The following MYH9 variants were observed in gnomAD, a reference collection of about 807,000 sequenced individuals.
MYH9 encodes the protein myosin heavy chain 9.
MYH9 carries 29 observed loss-of-function variants against 241.9 expected under a neutral mutation model. That is an observed-to-expected ratio of 0.12 (90% CI 0.09 to 0.16). MYH9 has a LOEUF of 0.16. Ranked by LOEUF, MYH9 falls within the 10% of genes least tolerant of loss-of-function variation. The pLI, the probability that MYH9 is intolerant of heterozygous loss-of-function variation, is 1.00. For synonymous variants in MYH9, 1,047 were observed against 1,062.6 expected (o/e 0.99, Z 0.29); for missense variants, 1,803 against 2,595.5 (o/e 0.69, Z 6.63).
intron 35 of MYH9, 135 bp downstream of exon 35, chr22:36,286,583 A>G: frequency 8.0e-7 from 1 of 1,252,862 alleles, no homozygotes; most frequent in Non-Finnish European, 1.1e-6. Context: ...GGGAATCCTT[A>G]TGTAACCTGA....
chr22:36,348,837 A>ACAC (rs2017719792), intron 2 of MYH9, 67 bp downstream of exon 2: 5 of 539,388 alleles, frequency 9.3e-6, no homozygotes, highest in African/African-American at 5.1e-5. Context: ...TGATGGGAAG[A>ACAC]CCCGCCCCCC....
intron 40 of MYH9, among the ~76,000 whole-genome samples, chr22:36,283,623 A>T (rs2016529724): frequency 6.8e-6 from 1 of 146,576 alleles, no homozygotes; most frequent in African/African-American, 2.4e-5. Flanking sequence ...AAAAACACAA[A>T]ATGAGAGTCT....
intron 2 of MYH9, among the ~76,000 whole-genome samples, chr22:36,345,610 G>T (rs1386815570): frequency 6.6e-6 from 1 of 152,174 alleles, no homozygotes; most frequent in Non-Finnish European, 1.5e-5. Context: ...CTTCCTTAAA[G>T]CACAGTCTGC....
intron 1 of MYH9, among the ~76,000 whole-genome samples, chr22:36,373,137 G>C (rs1377518147): frequency 2.6e-5 from 4 of 152,108 alleles, no homozygotes; most frequent in African/African-American, 9.7e-5. Flanking sequence ...GCAACTTGTT[G>C]CTACCATTCT....
At position 36,332,659 on chromosome 22, in the gene MYH9, A is replaced by AT. The variant is rs1209459936; in HGVS notation, c.491-5172dup. On this transcript the variant is annotated intron_variant, in intron 3 of 40. Coordinates refer to ENST00000216181, the MANE Select transcript of MYH9 (RefSeq NM_002473.6). ...CCTCCCCCTCCAGACACTCTGGATAATTAAAAAAAAAAAAAAAAAAAAAAA... is the reference window on the plus strand; with the variant it reads ...CCTCCCCCTCCAGACACTCTGGATAATTTAAAAAAAAAAAAAAAAAAAAAAA... Among the ~76,000 whole-genome samples the AT allele has an allele frequency of 1.1e-3, 115 of 104,172 alleles. 4 individuals are homozygous for AT. The Middle Eastern group carries it at 0.021, about 19-fold the overall frequency. 68.3% of individuals were successfully genotyped at this position (104,172 alleles called of 152,430 possible).
chr22:36,284,327 G>A, intron 39 of MYH9, 62 bp from the exon 40 acceptor site: 1 of 1,604,356 alleles, frequency 6.2e-7, no homozygotes, highest in Admixed American at 1.7e-5. Flanking sequence ...CAGCCAGTCA[G>A]CCCCACTGCC....
At chr22:36,317,997 C>T (rs933094882) in intron 11 of MYH9, among the ~76,000 whole-genome samples, 3 of 152,238 alleles carry the variant, frequency 2.0e-5, no homozygotes, top group Non-Finnish European at 2.9e-5. Context: ...ACTTCCTGGG[C>T]GTGAAGCCTT....
chr22:36,313,863 T>C (rs1039070874), intron 13 of MYH9, among the ~76,000 whole-genome samples: 1 of 152,150 alleles, frequency 6.6e-6, no homozygotes, highest in Non-Finnish European at 1.5e-5. Context: ...CTTCTGGGAC[T>C]GAAAACAGGA....
At chr22:36,324,583 T>A (rs1029326998) in intron 5 of MYH9, among the ~76,000 whole-genome samples, 3 of 152,262 alleles carry the variant, frequency 2.0e-5, no homozygotes, top group African/African-American at 7.2e-5. Context: ...ACCCCTCTGC[T>A]GGTGTTGGGA....
rs1271123841 is a variant in MYH9 at position 36,285,544 on chromosome 22, A to G, written c.5274+114T>C. ...CCAGGTGCCTGGACATTTTCCCCTA[A>G]GCGCCTGGGGAGCAGCTGGCACTTG... On this transcript the variant is annotated intron_variant, in intron 37 of 40. Transcript: ENST00000216181. This position sits in a 1 kb window ranked among gnomAD's most constrained non-coding sequence, Gnocchi z 7.0. The G allele has an allele frequency of 1.3e-5, 20 of 1,525,614 alleles. No homozygotes were observed. The highest frequency in any genetic ancestry group is 1.8e-5 in the Non-Finnish European group (20 of 1,124,394). 94.5% of individuals were successfully genotyped at this position (1,525,614 alleles called of 1,614,324 possible).
At position 36,295,143 on chromosome 22, in the gene MYH9, T is replaced by G; in HGVS notation, c.3486-67A>C. ...GGAGCGAGGCTGTCCCTGGGGCTCT[T>G]CCCTGACCAAAGAGAGGCCTGGCCA... On this transcript the variant is annotated intron_variant, in intron 26 of 40. Transcript: ENST00000216181. This position sits in a 1 kb window ranked among gnomAD's most constrained non-coding sequence, Gnocchi z 4.1. The G allele has an allele frequency of 6.2e-7, 1 of 1,610,000 alleles. No homozygotes were observed. Among genetic ancestry groups the G allele is most frequent in the Non-Finnish European group, 8.5e-7 (1 of 1,177,760 alleles).
At chr22:36,335,915 A>G (rs1433282552) in intron 3 of MYH9, among the ~76,000 whole-genome samples, 1 of 152,202 alleles carries the variant, frequency 6.6e-6, no homozygotes, top group African/African-American at 2.4e-5. Context: ...GAAGATACAC[A>G]AAAATTCTAC....
At chr22:36,364,511 T>C (rs1475204314) in intron 1 of MYH9, among the ~76,000 whole-genome samples, 1 of 151,902 alleles carries the variant, frequency 6.6e-6, no homozygotes, top group Non-Finnish European at 1.5e-5. Context: ...GTGGCTCATG[T>C]CTCCCCTTAG....
rs771247422 is a variant in MYH9, at chr22:36,309,262, G to T, written c.1843+20C>A. 1 of 1,602,554 alleles carries T rather than the reference G, an allele frequency of 6.2e-7. No individual in the cohort carries two copies. The highest frequency in any genetic ancestry group is 1.1e-5 in the South Asian group (1 of 90,790). ...AGCCGCAGCCAAGAGGAGGCAGGGG[G>T]CGAAGGGCAAAGGGCGTACCATCCT... On this transcript the variant is annotated intron_variant, in intron 15 of 40. Transcript: ENST00000216181.
chr22:36,287,615 G>A lies in MYH9; in HGVS notation c.4932+637C>T, dbSNP rs182229881. On this transcript the variant is annotated intron_variant, in intron 34 of 40. Transcript: ENST00000216181. Reference sequence around the variant, plus strand: ...AAATTAGCCGGGCGTGGCGGCGTGCGCCTGTAGTCCCAGCTGCTGGGGAGG... The same window carrying A: ...AAATTAGCCGGGCGTGGCGGCGTGCACCTGTAGTCCCAGCTGCTGGGGAGG... Among the ~76,000 whole-genome samples, 396 of 152,276 alleles carry A rather than the reference G, an allele frequency of 2.6e-3. 11 individuals are homozygous for A. The East Asian group carries it at 0.039, about 15-fold the overall frequency.
At chr22:36,336,746 C>T (rs2017506006) in intron 3 of MYH9, among the ~76,000 whole-genome samples, 1 of 152,246 alleles carries the variant, frequency 6.6e-6, no homozygotes, top group Non-Finnish European at 1.5e-5. Flanking sequence ...GACCTCGCCA[C>T]ACCTGACAAA....
intron 1 of MYH9, among the ~76,000 whole-genome samples, chr22:36,378,538 C>A (rs1024105398): frequency 4.6e-5 from 7 of 152,244 alleles, no homozygotes; most frequent in African/African-American, 1.4e-4. Flanking sequence ...TCAGGGCTGG[C>A]TGAGGACAGT....
intron 5 of MYH9, among the ~76,000 whole-genome samples, chr22:36,325,411 G>A (rs1262033878): frequency 6.6e-6 from 1 of 152,234 alleles, no homozygotes; most frequent in Non-Finnish European, 1.5e-5. Context: ...ACGCCAGTAA[G>A]GTGGAGCCAC....
chr22:36,344,857 A>G (rs1031089031), intron 2 of MYH9, among the ~76,000 whole-genome samples: 1 of 152,218 alleles, frequency 6.6e-6, no homozygotes, highest in African/African-American at 2.4e-5. Context: ...ACTTGTTTTA[A>G]TTCATATCCA....
Sources: gnomAD v4.1 joint callset for allele counts (sites outside exome capture counted in the v4.1 genomes callset) on GRCh38, gnomAD v4.1.1 for gene constraint, Gnocchi (gnomAD v3.1) non-coding constraint, MANE v1.5 for transcripts, NCBI Gene and HGNC (gene_info 2026-07-23, HGNC 2026-07-21) for gene names.